GBE1: variants seen among roughly 807,000 people sequenced by gnomAD.
GBE1 encodes 1,4-alpha-glucan-branching enzyme.
A neutral mutation model predicts 88.8 loss-of-function variants in GBE1; 70 were observed. That is an observed-to-expected ratio of 0.79 (90% confidence interval 0.65 to 0.96). The LOEUF is 0.96. Among genes scored for constraint, GBE1 ranks in the 40% least tolerant of loss-of-function variants. GBE1 has a pLI of 0.00. For synonymous variants in GBE1, 284 were observed against 300.1 expected, an observed-to-expected ratio of 0.95 and a Z score of 0.56; for missense variants, 872 against 871.0, an observed-to-expected ratio of 1.00 and a Z score of -0.01.
At chr3:81,538,971 C>T (rs563492320) in intron 12 of GBE1, among the ~76,000 whole-genome samples, 12 of 152,098 alleles carry the variant, frequency 7.9e-5, no homozygotes, top group African/African-American at 2.6e-4. Flanking sequence ...ATTGTCATCA[C>T]GATGACAGTA....
chr3:81,738,760 T>C (rs1391239578), intron 1 of GBE1, among the ~76,000 whole-genome samples: 1 of 152,212 alleles, frequency 6.6e-6, no homozygotes, highest in African/African-American at 2.4e-5. Context: ...TATCCCATTA[T>C]TTAATCCTCA....
chr3:81,552,020 T>C (rs1026208285), intron 12 of GBE1, among the ~76,000 whole-genome samples: 5 of 152,212 alleles, frequency 3.3e-5, no homozygotes, highest in Admixed American at 1.3e-4. Flanking sequence ...TGATAAATTA[T>C]GTGTAACATC....
chr3:81,736,268 T>C (rs1706256602), intron 1 of GBE1, among the ~76,000 whole-genome samples: 1 of 152,206 alleles, frequency 6.6e-6, no homozygotes, highest in African/African-American at 2.4e-5. Context: ...GCCATTTCAC[T>C]TTCCTCCTAC....
intron 14 of GBE1, among the ~76,000 whole-genome samples, chr3:81,523,528 T>A (rs1261065964): frequency 1.3e-5 from 2 of 151,688 alleles, no homozygotes; most frequent in African/African-American, 4.8e-5. Flanking sequence ...TTTTAAAATG[T>A]AGAATAAATT....
At chr3:81,713,443 G>C in intron 1 of GBE1, among the ~76,000 whole-genome samples, 1 of 152,238 alleles carries the variant, frequency 6.6e-6, no homozygotes, top group East Asian at 1.9e-4. Flanking sequence ...ATAATAAGTG[G>C]AATAAAACAT....
chr3:81,534,952 G>A (rs1161601003), intron 14 of GBE1: 1 of 374,936 alleles, frequency 2.7e-6, no homozygotes, highest in Admixed American at 5.0e-5. Context: ...TCTTTCCTTT[G>A]ATGTGAACCA....
At chr3:81,652,576 T>C (rs1351864951) in intron 3 of GBE1, among the ~76,000 whole-genome samples, 2 of 152,232 alleles carry the variant, frequency 1.3e-5, no homozygotes, top group African/African-American at 4.8e-5. Context: ...CAAAGCTTTC[T>C]ACCAAATCCG....
At chr3:81,728,882 A>C (rs1706149941) in intron 1 of GBE1, among the ~76,000 whole-genome samples, 1 of 151,858 alleles carries the variant, frequency 6.6e-6, no homozygotes, top group Admixed American at 6.6e-5. Context: ...AGTATCGTCC[A>C]TCTGCCCCTC....
intron 3 of GBE1, among the ~76,000 whole-genome samples, chr3:81,658,854 C>G (rs186674854): frequency 2.2e-4 from 34 of 152,220 alleles, no homozygotes; most frequent in African/African-American, 7.9e-4. Context: ...TATCCCTGAA[C>G]AAGTGAGAAT....
chr3:81,736,100 C>A (rs1706254218), intron 1 of GBE1, among the ~76,000 whole-genome samples: 1 of 152,142 alleles, frequency 6.6e-6, no homozygotes, highest in Non-Finnish European at 1.5e-5. Context: ...TCAATGGCAG[C>A]ATATCCCAGT....
chr3:81,603,500 ATTTAT>A (rs978211201), intron 7 of GBE1, among the ~76,000 whole-genome samples: 1 of 151,894 alleles, frequency 6.6e-6, no homozygotes, highest in Non-Finnish European at 1.5e-5. Context: ...ATAAATTTAA[ATTTAT>A]TTTATTTTAT....
chr3:81,597,507 C>A (rs185880396), intron 7 of GBE1, among the ~76,000 whole-genome samples: 15 of 122,136 alleles, frequency 1.2e-4, no homozygotes, highest in Admixed American at 5.7e-4. Flanking sequence ...ATATATATAT[C>A]TCATTGGTCA....
intron 9 of GBE1, among the ~76,000 whole-genome samples, chr3:81,590,422 T>C (rs1703861729): frequency 6.6e-6 from 1 of 152,108 alleles, no homozygotes. Context: ...TAAATTAGCA[T>C]AAGCATTTAA....
At chr3:81,563,880 A>C (rs945812063) in intron 12 of GBE1, among the ~76,000 whole-genome samples, 1 of 140,706 alleles carries the variant, frequency 7.1e-6, no homozygotes, top group East Asian at 2.5e-4. Flanking sequence ...TAATGAATAC[A>C]TTCAGGGAGG....
chr3:81,621,023 G>A (rs575015316), intron 7 of GBE1, among the ~76,000 whole-genome samples: 9 of 152,220 alleles, frequency 5.9e-5, no homozygotes, highest in Non-Finnish European at 1.2e-4. Flanking sequence ...TCACGGAGGC[G>A]GGCCCCTGAC....
chr3:81,684,351 C>T (rs1705401292), intron 2 of GBE1, among the ~76,000 whole-genome samples: 1 of 152,214 alleles, frequency 6.6e-6, no homozygotes, highest in Admixed American at 6.5e-5. Flanking sequence ...ATACCACAGA[C>T]TGGGTCACTT....
intron 14 of GBE1, among the ~76,000 whole-genome samples, chr3:81,520,368 C>T (rs1231360061): frequency 6.6e-6 from 1 of 151,492 alleles, no homozygotes; most frequent in African/African-American, 2.4e-5. Flanking sequence ...AAACTGAATA[C>T]TTTATAAAAA....
intron 7 of GBE1, among the ~76,000 whole-genome samples, chr3:81,611,898 G>A (rs1704187074): frequency 6.6e-6 from 1 of 151,974 alleles, no homozygotes; most frequent in Non-Finnish European, 1.5e-5. Flanking sequence ...CACAAGCAAC[G>A]TGACAAGTTT....
chr3:81,676,962 C>G (rs146438305), intron 2 of GBE1, among the ~76,000 whole-genome samples: 2 of 152,266 alleles, frequency 1.3e-5, no homozygotes, highest in African/African-American at 4.8e-5. Flanking sequence ...ATCAGGCACA[C>G]AAACTCTATG....
Sources: gnomAD v4.1 joint callset for allele counts (sites outside exome capture counted in the v4.1 genomes callset) on GRCh38, gnomAD v4.1.1 for gene constraint, MANE v1.5 for transcripts, NCBI Gene and HGNC (gene_info 2026-07-23, HGNC 2026-07-21) for gene names.